Variants in ANK3 observed in about 807,000 individuals in gnomAD.
ANK3 encodes ankyrin-3.
In ANK3, 57 loss-of-function variants were observed where a neutral mutation model predicts 370.9. The ratio of observed to expected loss-of-function variants is 0.15; its 90% CI spans 0.12 to 0.19. The LOEUF (loss-of-function observed/expected upper bound fraction) is 0.19. Among genes scored for constraint, ANK3 ranks in the 10% least tolerant of loss-of-function variants. ANK3 has a pLI of 1.00. For missense variants in ANK3, 4,439 were observed against 5,302.1 expected (o/e 0.84, Z 5.06); for synonymous variants, 1,929 against 1,946.3 (o/e 0.99, Z 0.23).
At position 60,073,544 on chromosome 10, in the gene ANK3, A is replaced by G; in HGVS notation, c.7337T>C (p.Ile2446Thr). The change falls in exon 37 of 44, where the codon ATA (isoleucine) becomes ACA (threonine). Residue 2446 changes from isoleucine to threonine, a missense_variant. Physicochemically the swap from Ile to Thr is moderately conservative, Grantham distance 89. Coordinates refer to ENST00000280772, the MANE Select transcript of ANK3 (RefSeq NM_020987.5). ...TGACAACTCATCGTCATGGTATTCTATTGAGTGTTGACTCAAAAGCTTCAA... is the reference window on the plus strand; with the variant it reads ...TGACAACTCATCGTCATGGTATTCTGTTGAGTGTTGACTCAAAAGCTTCAA... ...KTLKLLSQHS[I>T]EYHDDELSEL... 2.5e-6 allele frequency: 4 copies of G among 1,614,026 alleles called. No individual in the cohort carries two copies. The highest frequency in any genetic ancestry group is 3.4e-6 in the Non-Finnish European group (4 of 1,179,956).
At chr10:60,129,798 T>A (rs538027919) in intron 25 of ANK3, among the ~76,000 whole-genome samples, 3 of 152,212 alleles carry the variant, frequency 2.0e-5, no homozygotes, top group South Asian at 2.1e-4. Flanking sequence ...CTCCAAGTGA[T>A]GCTCGTAAGT....
At chr10:60,514,298 G>A (rs1454300985) in intron 2 of ANK3, among the ~76,000 whole-genome samples, 3 of 152,054 alleles carry the variant, frequency 2.0e-5, no homozygotes, top group African/African-American at 4.8e-5. Flanking sequence ...TGTTCAAGGG[G>A]CAACTGATCA....
Position 60,097,722 on chromosome 10 carries a change from C to T in ANK3, c.3328+8183G>A, listed in dbSNP as rs926772436. Among the ~76,000 whole-genome samples, 5 of 152,240 alleles carry T rather than the reference C, an allele frequency of 3.3e-5. No homozygotes were observed. The South Asian group carries it at 6.2e-4, about 19-fold the overall frequency. ...CTTATGGGCACACAATTAAATGTCTCGATCACTTCGTTAAATGGGGACACA... is the reference window on the plus strand; with the variant it reads ...CTTATGGGCACACAATTAAATGTCTTGATCACTTCGTTAAATGGGGACACA... On this transcript the variant is annotated intron_variant, in intron 28 of 43. Transcript: ENST00000280772.
chr10:60,563,689 T>G (rs1567148981), intron 2 of ANK3, among the ~76,000 whole-genome samples: 3 of 152,166 alleles, frequency 2.0e-5, no homozygotes. Flanking sequence ...AAAATTTCAG[T>G]TTTTCATTTT....
chr10:60,393,764 T>C (rs1438543138), upstream of ANK3, among the ~76,000 whole-genome samples: 1 of 152,096 alleles, frequency 6.6e-6, no homozygotes, highest in Non-Finnish European at 1.5e-5. Context: ...TTGAGCTGAG[T>C]TGACACACAA....
chr10:60,070,477 C>G lies in ANK3; in HGVS notation c.10404G>C (p.Glu3468Asp). 6.2e-7 allele frequency: 1 copy of G among 1,614,122 alleles called. No homozygotes were observed. The highest frequency in any genetic ancestry group is 8.5e-7 in the Non-Finnish European group (1 of 1,180,014). The part of the protein sequence containing the change: ...SFSQSKLEVI[E>D]EEGKVGPDED... The stretch of plus-strand genomic sequence containing the variant: ...CATCTGGTCCCACCTTTCCCTCCTC[C>G]TCGATAACTTCAAGTTTACTTTGGC... Residue 3468 changes from glutamate (E) to aspartate (D), a missense_variant, in exon 37 of 44, where the codon GAG (glutamate) becomes GAC (aspartate). Transcript: ENST00000280772. The surrounding 1 kb of genome is among the most constrained non-coding windows in gnomAD (Gnocchi z 5.7).
intron 5 of ANK3, among the ~76,000 whole-genome samples, chr10:60,265,613 T>G (rs192314975): frequency 9.8e-5 from 15 of 152,300 alleles, no homozygotes; most frequent in African/African-American, 3.6e-4. Flanking sequence ...AGTTACTTAT[T>G]ATTTTATTTG....
At chr10:60,581,018 C>G (rs1012877920) in intron 2 of ANK3, among the ~76,000 whole-genome samples, 2 of 152,194 alleles carry the variant, frequency 1.3e-5, no homozygotes, top group African/African-American at 4.8e-5. Flanking sequence ...AATAAACATG[C>G]ATAGCCTGTA....
intron 2 of ANK3, among the ~76,000 whole-genome samples, chr10:60,593,386 C>T (rs1004391839): frequency 3.9e-5 from 6 of 152,026 alleles, no homozygotes; most frequent in Non-Finnish European, 8.8e-5. Flanking sequence ...GGATTTCTAC[C>T]CCAGGATATC....
intron 1 of ANK3, among the ~76,000 whole-genome samples, chr10:60,715,344 T>A (rs1396070637): frequency 3.3e-5 from 5 of 151,910 alleles, no homozygotes; most frequent in Non-Finnish European, 7.4e-5. Flanking sequence ...AAGAGGTGTG[T>A]CACTGTCAGA....
intron 2 of ANK3, among the ~76,000 whole-genome samples, chr10:60,443,696 G>A: frequency 6.6e-6 from 1 of 152,156 alleles, no homozygotes; most frequent in East Asian, 1.9e-4. Context: ...ACCCCAGTGT[G>A]ATACTGACAG....
intron 7 of ANK3, among the ~76,000 whole-genome samples, chr10:60,235,851 G>A (rs779811734): frequency 6.6e-6 from 1 of 152,104 alleles, no homozygotes; most frequent in Non-Finnish European, 1.5e-5. Flanking sequence ...ATCACTTCCT[G>A]CATGTCAGGG....
chr10:60,364,162 T>C (rs7905761), intron 1 of ANK3, among the ~76,000 whole-genome samples: 70,814 of 150,480 alleles, frequency 0.47, 17,786 homozygotes, highest in South Asian at 0.58. Context: ...GGCATGGTGG[T>C]GGGTGCCTTT....
chr10:60,666,242 A>G (rs1170660753), intron 1 of ANK3, among the ~76,000 whole-genome samples: 1 of 152,256 alleles, frequency 6.6e-6, no homozygotes, highest in Non-Finnish European at 1.5e-5. Flanking sequence ...ATTGTGACAC[A>G]TGCTACAGCG....
At chr10:60,347,054 GAT>G (rs34027235) in intron 1 of ANK3, among the ~76,000 whole-genome samples, 83,052 of 142,124 alleles carry the variant, frequency 0.58, 25,807 homozygotes, top group South Asian at 0.76. Flanking sequence ...AGAAATATAT[GAT>G]ATATATATAT....
intron 2 of ANK3, among the ~76,000 whole-genome samples, chr10:60,543,114 A>C (rs1265214753): frequency 6.6e-6 from 1 of 152,048 alleles, no homozygotes; most frequent in Non-Finnish European, 1.5e-5. Flanking sequence ...ACAATGAAAT[A>C]TATTTTTCCC....
At chr10:60,568,185 T>C (rs185825682) in intron 2 of ANK3, among the ~76,000 whole-genome samples, 72 of 152,304 alleles carry the variant, frequency 4.7e-4, no homozygotes, top group African/African-American at 1.6e-3. Context: ...TCAAACAGCA[T>C]TACATGTTAC....
At chr10:60,275,097 C>T (rs72820502) in intron 4 of ANK3, among the ~76,000 whole-genome samples, 10,617 of 152,206 alleles carry the variant, frequency 0.07, 757 homozygotes, top group African/African-American at 0.18. Flanking sequence ...GTTTTTATAA[C>T]AATTTCCTAA....
intron 2 of ANK3, among the ~76,000 whole-genome samples, chr10:60,436,118 AT>A (rs1438492654): frequency 5.9e-5 from 9 of 152,158 alleles, no homozygotes; most frequent in Admixed American, 2.6e-4. Flanking sequence ...AATAAAAAAA[AT>A]AAAGTCTCAT....
Sources: allele counts gnomAD v4.1 joint callset (sites outside exome capture counted in the v4.1 genomes callset), GRCh38; gene constraint gnomAD v4.1.1; non-coding constraint Gnocchi (gnomAD v3.1); transcripts MANE v1.5; gene names NCBI Gene and HGNC (gene_info 2026-07-23, HGNC 2026-07-21).